Variants in WWOX observed in about 807,000 individuals in gnomAD.
WWOX encodes WW domain-containing oxidoreductase.
In WWOX, 69 loss-of-function variants were observed where a neutral mutation model predicts 46.2. That is an observed-to-expected ratio of 1.49 (90% CI 1.23 to 1.82). The LOEUF (loss-of-function observed/expected upper bound fraction) is 1.82. WWOX is among the 40% of genes most tolerant of loss of function. The pLI, the probability that WWOX is intolerant of heterozygous loss-of-function variation, is 0.00. For missense variants in WWOX, 919 were observed against 542.6 expected, an observed-to-expected ratio of 1.69 and a Z score of -6.89; for synonymous variants, 359 against 202.6, an observed-to-expected ratio of 1.77 and a Z score of -6.56.
chr16:78,561,843 C>T (rs2044445709), intron 8 of WWOX, among the ~76,000 whole-genome samples: 1 of 152,200 alleles, frequency 6.6e-6, no homozygotes, highest in East Asian at 1.9e-4. Context: ...CAGTTACCAG[C>T]AGTGGAAGTG....
intron 8 of WWOX, among the ~76,000 whole-genome samples, chr16:78,779,455 A>G (rs762271718): frequency 6.6e-5 from 10 of 152,064 alleles, no homozygotes; most frequent in Non-Finnish European, 1.5e-4. Context: ...TCTTTTTTAA[A>G]GTGGGGTATT....
intron 8 of WWOX, among the ~76,000 whole-genome samples, chr16:78,839,582 G>A (rs2052083399): frequency 6.6e-6 from 1 of 152,164 alleles, no homozygotes; most frequent in Non-Finnish European, 1.5e-5. Flanking sequence ...TCTATGAAAT[G>A]AACTGCATCC....
At chr16:79,007,520 C>A (rs1308030674) in intron 8 of WWOX, among the ~76,000 whole-genome samples, 1 of 152,190 alleles carries the variant, frequency 6.6e-6, no homozygotes, top group African/African-American at 2.4e-5. Flanking sequence ...CCTTGTAGGG[C>A]AAGCTGGATA....
intron 8 of WWOX, among the ~76,000 whole-genome samples, chr16:79,133,958 G>A (rs1442263944): frequency 1.3e-5 from 2 of 152,180 alleles, no homozygotes; most frequent in African/African-American, 4.8e-5. Context: ...AAGTCCTCAA[G>A]AAGAAAAATT....
At chr16:78,982,307 C>G (rs141070651) in intron 8 of WWOX, among the ~76,000 whole-genome samples, 1 of 152,112 alleles carries the variant, frequency 6.6e-6, no homozygotes, top group Non-Finnish European at 1.5e-5. Context: ...TGATTTTGAG[C>G]AATCATCTGG....
intron 8 of WWOX, among the ~76,000 whole-genome samples, chr16:79,095,776 C>T (rs1269892213): frequency 1.3e-5 from 2 of 151,916 alleles, no homozygotes; most frequent in African/African-American, 2.4e-5. Context: ...GGAATACAGA[C>T]CTCAGAAAGC....
intron 1 of WWOX, among the ~76,000 whole-genome samples, chr16:78,104,922 T>G (rs774454091): frequency 1.3e-5 from 2 of 152,188 alleles, no homozygotes; most frequent in Non-Finnish European, 1.5e-5. Context: ...ATTAAATGAC[T>G]TCTTCAAGGG....
chr16:78,793,781 A>C (rs2142611397), intron 8 of WWOX, among the ~76,000 whole-genome samples: 1 of 152,244 alleles, frequency 6.6e-6, no homozygotes, highest in South Asian at 2.1e-4. Context: ...GGTTAGAAAC[A>C]ATGAAAATTT....
chr16:78,114,210 C>G (rs867502173), intron 3 of WWOX, among the ~76,000 whole-genome samples: 1 of 151,572 alleles, frequency 6.6e-6, no homozygotes, highest in Admixed American at 6.6e-5. Context: ...TGATCATCCT[C>G]CTACCTCAGC....
chr16:78,257,637 A>T (rs1219106767), intron 5 of WWOX, among the ~76,000 whole-genome samples: 1 of 152,148 alleles, frequency 6.6e-6, no homozygotes, highest in East Asian at 1.9e-4. Context: ...TCTGATGTCT[A>T]CCGCAGCGGT....
intron 8 of WWOX, among the ~76,000 whole-genome samples, chr16:78,664,066 G>A (rs1190395347): frequency 6.6e-6 from 1 of 152,192 alleles, no homozygotes; most frequent in Non-Finnish European, 1.5e-5. Flanking sequence ...AGACGCCATG[G>A]TTGCCATGAG....
chr16:78,991,460 G>C (rs2046884912), intron 8 of WWOX, among the ~76,000 whole-genome samples: 1 of 152,042 alleles, frequency 6.6e-6, no homozygotes, highest in Admixed American at 6.6e-5. Context: ...AATTAGCTGG[G>C]TGTGGTGGTG....
chr16:78,434,047 C>T (rs531911392), intron 8 of WWOX, among the ~76,000 whole-genome samples: 277 of 152,210 alleles, frequency 1.8e-3, no homozygotes, highest in Middle Eastern at 6.8e-3. Context: ...CCTCGGCCTC[C>T]CAAAGTGCTG....
At chr16:79,044,381 G>C (rs931140355) in intron 8 of WWOX, among the ~76,000 whole-genome samples, 1 of 152,166 alleles carries the variant, frequency 6.6e-6, no homozygotes, top group Admixed American at 6.5e-5. Flanking sequence ...GGTCATGGGG[G>C]TGGATTTCTC....
intron 8 of WWOX, among the ~76,000 whole-genome samples, chr16:78,447,906 C>T (rs1169536744): frequency 2.6e-5 from 4 of 152,126 alleles, no homozygotes; most frequent in Non-Finnish European, 5.9e-5. Context: ...TGGGTTTAAT[C>T]GATCCTCCTG....
intron 8 of WWOX, among the ~76,000 whole-genome samples, chr16:78,479,526 C>CT: frequency 6.6e-6 from 1 of 152,226 alleles, no homozygotes; most frequent in Admixed American, 6.5e-5. Context: ...AATGAAGTCA[C>CT]TTTGTGGCAT....
chr16:78,719,946 T>A (rs969105362), intron 8 of WWOX, among the ~76,000 whole-genome samples: 2 of 152,230 alleles, frequency 1.3e-5, no homozygotes, highest in Non-Finnish European at 2.9e-5. Context: ...CACCAAAGTG[T>A]TCTATTCTAA....
intron 5 of WWOX, among the ~76,000 whole-genome samples, chr16:78,217,545 G>A (rs568790608): frequency 5.9e-4 from 90 of 152,276 alleles, no homozygotes; most frequent in Non-Finnish European, 9.7e-4. Context: ...CCGATGAGAT[G>A]AGAGCTGAAC....
chr16:78,204,491 T>C (rs2036330558), intron 5 of WWOX, among the ~76,000 whole-genome samples: 1 of 142,840 alleles, frequency 7.0e-6, no homozygotes, highest in Admixed American at 7.2e-5. Flanking sequence ...TGTTGTCAAA[T>C]AGTAGGTCTT....
Sources: gnomAD v4.1 joint callset for allele counts (sites outside exome capture counted in the v4.1 genomes callset) on GRCh38, gnomAD v4.1.1 for gene constraint, MANE v1.5 for transcripts, NCBI Gene and HGNC (gene_info 2026-07-23, HGNC 2026-07-21) for gene names.